Variants in MRAP2 observed in about 807,000 individuals in gnomAD.
MRAP2 encodes melanocortin 2 receptor accessory protein 2, also known as melanocortin-2 receptor accessory protein 2.
In MRAP2, 20 loss-of-function variants were observed where a neutral mutation model predicts 17.4. The observed-to-expected ratio is 1.15, with a 90% confidence interval of 0.81 to 1.67. The LOEUF (loss-of-function observed/expected upper bound fraction) is 1.67, where lower values mean the gene tolerates loss of function less well. Ranked by LOEUF, MRAP2 falls within the 40% of genes most tolerant of loss-of-function variation. MRAP2 has a pLI of 0.00. For missense variants in MRAP2, 238 were observed against 240.0 expected, an observed-to-expected ratio of 0.99 and a Z score of 0.05; for synonymous variants, 96 against 88.4, an observed-to-expected ratio of 1.09 and a Z score of -0.48.
chr6:84,088,892 C>G (rs954828771), intron 3 of MRAP2, among the ~76,000 whole-genome samples, 199 bp from the exon 4 acceptor site: 1 of 152,100 alleles, frequency 6.6e-6, no homozygotes, highest in South Asian at 2.1e-4. Flanking sequence ...CATCTTGAAG[C>G]CTTTGCCTTG....
intron 3 of MRAP2, among the ~76,000 whole-genome samples, chr6:84,086,778 C>T (rs536682461): frequency 6.6e-6 from 1 of 152,264 alleles, no homozygotes. Flanking sequence ...ACTGCCTTGG[C>T]ACTGTCCTGG....
chr6:84,126,501 G>T, the MRAP2 span: 2 of 1,535,678 alleles, frequency 1.3e-6, no homozygotes, highest in African/African-American at 1.4e-5. Context: ...ATTCTTCTAA[G>T]AGTTTTGTAA....
intron 3 of MRAP2, among the ~76,000 whole-genome samples, chr6:84,073,000 C>T (rs1225092386): frequency 6.6e-6 from 1 of 152,192 alleles, no homozygotes; most frequent in Admixed American, 6.5e-5. Flanking sequence ...GGCTACCCTC[C>T]CCGCAGCTGC....
the MRAP2 span, among the ~76,000 whole-genome samples, chr6:84,116,996 T>C: frequency 1.6e-4 from 24 of 151,918 alleles, no homozygotes; most frequent in East Asian, 4.5e-3. Context: ...TCCCTTCCCT[T>C]TTTTCTTTCT....
the MRAP2 span, among the ~76,000 whole-genome samples, chr6:84,135,456 T>C: frequency 6.6e-6 from 1 of 152,334 alleles, no homozygotes; most frequent in African/African-American, 2.4e-5. Flanking sequence ...AGAGACAGAC[T>C]GCTTCCCAGA....
the MRAP2 span, among the ~76,000 whole-genome samples, chr6:84,103,758 G>T: frequency 2.0e-5 from 3 of 150,068 alleles, no homozygotes; most frequent in Admixed American, 6.6e-5. Context: ...TAAGGGTTTT[G>T]TTATTGTAAT....
At position 84,081,873 on chromosome 6, in the gene MRAP2, C is replaced by T. The variant is rs137976761; in HGVS notation, c.228-7218C>T. On this transcript the variant is annotated intron_variant, in intron 3 of 3. Transcript: ENST00000257776. ...AAATAAAAGTATGTGGTGGGTTCCC[C>T]CTGTCTTGCTGCCATGTAAGATGTG... Among the ~76,000 whole-genome samples, 157 of 152,230 alleles carry T rather than the reference C, an allele frequency of 1.0e-3. 1 individual carries two copies. The highest frequency in any genetic ancestry group is 6.8e-3 in the East Asian group (35 of 5,174).
At chr6:84,123,282 A>G in the MRAP2 span, among the ~76,000 whole-genome samples, 1 of 151,638 alleles carries the variant, frequency 6.6e-6, no homozygotes, top group Non-Finnish European at 1.5e-5. Context: ...TAAATAGCCA[A>G]AGCACTCCTA....
the MRAP2 span, among the ~76,000 whole-genome samples, chr6:84,113,563 T>TG: frequency 6.6e-6 from 1 of 152,202 alleles, no homozygotes; most frequent in Non-Finnish European, 1.5e-5. Flanking sequence ...GTCTTTTAAT[T>TG]GGGGCATTTA....
intron 2 of MRAP2, among the ~76,000 whole-genome samples, chr6:84,061,201 A>C (rs896936974): frequency 3.3e-5 from 5 of 152,200 alleles, no homozygotes; most frequent in African/African-American, 1.2e-4. Context: ...CTTTGGAAAA[A>C]GTGCTACATA....
Position 84,062,647 on chromosome 6 carries a change from A to G in MRAP2, c.128-246A>G, listed in dbSNP as rs114929754. 23 of 985,434 alleles carry G rather than the reference A, an allele frequency of 2.3e-5. No individual in the cohort carries two copies. The African/African-American group carries it at 3.5e-4, about 15-fold the overall frequency. The allele number at this position is 985,434 out of a possible 1,614,324, so 61.0% of individuals were successfully genotyped here. A position where few individuals can be genotyped will look rare whatever the true frequency, so the allele number is the denominator to read the frequency against. ...CTGGTCTAGGTTCCTTCCTTGAGAT[A>G]TGGAAAGCATGAGTCAATGAGGCCT... is the stretch of plus-strand genomic sequence containing the variant. On this transcript the variant is annotated intron_variant, in intron 2 of 3. Transcript: ENST00000257776.
the MRAP2 span, chr6:84,124,534 A>G: frequency 6.2e-6 from 1 of 160,402 alleles, no homozygotes. Flanking sequence ...ATGGGTACAC[A>G]GAGACATAAA....
At chr6:84,047,156 T>C (rs1471945369) in intron 1 of MRAP2, among the ~76,000 whole-genome samples, 1 of 151,908 alleles carries the variant, frequency 6.6e-6, no homozygotes, top group Non-Finnish European at 1.5e-5. Context: ...CTGCTTATTA[T>C]TATTATTTTT....
intron 1 of MRAP2, among the ~76,000 whole-genome samples, chr6:84,036,665 G>A (rs1232049491): frequency 2.4e-4 from 36 of 152,104 alleles, no homozygotes; most frequent in Admixed American, 2.4e-3. Context: ...GTGTGGAAGG[G>A]GACCTGAGCG....
chr6:84,114,695 C>T, the MRAP2 span, among the ~76,000 whole-genome samples: 2 of 152,150 alleles, frequency 1.3e-5, no homozygotes, highest in Non-Finnish European at 2.9e-5. Flanking sequence ...GCTGATTTCT[C>T]CCCATCTTTG....
intron 1 of MRAP2, among the ~76,000 whole-genome samples, chr6:84,047,494 A>G (rs2099489343): frequency 6.8e-6 from 1 of 146,472 alleles, no homozygotes; most frequent in African/African-American, 2.6e-5. Flanking sequence ...GCCTAGCCTA[A>G]AAAAAAAAAA....
intron 1 of MRAP2, among the ~76,000 whole-genome samples, chr6:84,042,245 C>A (rs754714865): frequency 1.3e-5 from 2 of 152,126 alleles, no homozygotes; most frequent in Non-Finnish European, 2.9e-5. Context: ...TTTCCTGAGG[C>A]CTTCTTAGCC....
At chr6:84,117,791 C>G in the MRAP2 span, among the ~76,000 whole-genome samples, 15 of 151,940 alleles carry the variant, frequency 9.9e-5, no homozygotes, top group Admixed American at 8.5e-4. Flanking sequence ...TTTTCCAGTA[C>G]CTGGAGGTAT....
intron 2 of MRAP2, 116 bp from the exon 3 acceptor site, chr6:84,062,777 C>T (rs951850645): frequency 6.6e-7 from 1 of 1,522,932 alleles, no homozygotes; most frequent in African/African-American, 1.4e-5. Flanking sequence ...GCGGATCAGA[C>T]TGTTGACTTC....
Sources: allele counts gnomAD v4.1 joint callset (sites outside exome capture counted in the v4.1 genomes callset), GRCh38; gene constraint gnomAD v4.1.1; transcripts MANE v1.5; gene names NCBI Gene and HGNC (gene_info 2026-07-23, HGNC 2026-07-21).